SGCD: variants seen among roughly 807,000 people sequenced by gnomAD.
SGCD encodes the protein delta-sarcoglycan.
Under a neutral mutation model 36.6 loss-of-function variants are expected in SGCD, and 18 were observed. That is an observed-to-expected ratio of 0.49 (90% confidence interval 0.34 to 0.73). The LOEUF (loss-of-function observed/expected upper bound fraction) is 0.73, where lower values mean the gene tolerates loss of function less well. Among genes scored for constraint, SGCD ranks in the 30% least tolerant of loss-of-function variants. SGCD has a pLI of 0.01. For missense variants in SGCD, 387 were observed against 346.7 expected, an observed-to-expected ratio of 1.12 and a Z score of -0.92; for synonymous variants, 133 against 130.6, an observed-to-expected ratio of 1.02 and a Z score of -0.12.
At chr5:156,305,276 G>T (rs911820895) in intron 3 of SGCD, among the ~76,000 whole-genome samples, 5 of 152,156 alleles carry the variant, frequency 3.3e-5, no homozygotes, top group Admixed American at 1.3e-4. Flanking sequence ...GGACCAGGGT[G>T]TCTGTGCTGT....
chr5:156,013,867 T>C (rs1455366477), intron 1 of SGCD, among the ~76,000 whole-genome samples: 4 of 152,162 alleles, frequency 2.6e-5, no homozygotes, highest in African/African-American at 9.6e-5. Context: ...CACTCCTAAT[T>C]CTTAATTTAG....
chr5:156,392,036 A>G (rs992592402), intron 3 of SGCD, among the ~76,000 whole-genome samples: 4 of 152,206 alleles, frequency 2.6e-5, no homozygotes, highest in African/African-American at 9.6e-5. Context: ...CGTATATTGA[A>G]TGTATTAGGA....
chr5:156,553,671 G>A (rs1758886612), intron 4 of SGCD, among the ~76,000 whole-genome samples: 1 of 152,032 alleles, frequency 6.6e-6, no homozygotes, highest in African/African-American at 2.4e-5. Flanking sequence ...ATCTCTATGG[G>A]TCTAGTCTGG....
the SGCD span, among the ~76,000 whole-genome samples, chr5:155,772,328 T>C: frequency 6.6e-6 from 1 of 152,214 alleles, no homozygotes; most frequent in Non-Finnish European, 1.5e-5. Context: ...AATATTTGTG[T>C]AGCACTTTGA....
the SGCD span, among the ~76,000 whole-genome samples, chr5:155,742,538 G>T: frequency 6.6e-6 from 1 of 152,176 alleles, no homozygotes; most frequent in Non-Finnish European, 1.5e-5. Context: ...AGAAGGAAGT[G>T]AGTATCAATG....
intron 3 of SGCD, among the ~76,000 whole-genome samples, chr5:156,219,901 G>A (rs936699274): frequency 1.3e-5 from 2 of 152,154 alleles, no homozygotes; most frequent in African/African-American, 4.8e-5. Context: ...CAGGACAGCT[G>A]CTGCACATTT....
chr5:156,540,958 T>C (rs1178990428), intron 4 of SGCD, among the ~76,000 whole-genome samples: 1 of 152,094 alleles, frequency 6.6e-6, no homozygotes, highest in Non-Finnish European at 1.5e-5. Flanking sequence ...AAGAAACAAG[T>C]AGGTATCCAT....
At chr5:156,078,506 G>T (rs1187502028) in intron 1 of SGCD, among the ~76,000 whole-genome samples, 11 of 116,328 alleles carry the variant, frequency 9.5e-5, no homozygotes, top group Non-Finnish European at 1.5e-4. Flanking sequence ...AAGTAAGACT[G>T]TCTCAAAAAA....
the SGCD span, among the ~76,000 whole-genome samples, chr5:155,773,006 A>C: frequency 6.6e-6 from 1 of 151,890 alleles, no homozygotes. Flanking sequence ...GTAAGTAAGC[A>C]CTCTCTACGT....
chr5:156,015,987 C>A (rs1204664715), intron 1 of SGCD, among the ~76,000 whole-genome samples: 1 of 151,698 alleles, frequency 6.6e-6, no homozygotes, highest in Non-Finnish European at 1.5e-5. Flanking sequence ...CCTCATAAAT[C>A]ACTGATGTCT....
intron 1 of SGCD, among the ~76,000 whole-genome samples, chr5:155,894,409 TG>T (rs1412645805): frequency 6.6e-6 from 1 of 152,176 alleles, no homozygotes; most frequent in African/African-American, 2.4e-5. Context: ...GGAATTTGTA[TG>T]TCACACGAGC....
chr5:155,901,244 G>A (rs927941869), intron 1 of SGCD, among the ~76,000 whole-genome samples: 24 of 151,746 alleles, frequency 1.6e-4, no homozygotes, highest in Admixed American at 3.3e-4. Context: ...CCCGGGAGGC[G>A]GAGGTTGCAG....
chr5:156,521,348 A>G (rs535535012), intron 4 of SGCD, among the ~76,000 whole-genome samples: 1 of 152,310 alleles, frequency 6.6e-6, no homozygotes, highest in Non-Finnish European at 1.5e-5. Context: ...CAAAAAATTG[A>G]CCAATGGGAC....
At chr5:155,837,165 T>C in the SGCD span, among the ~76,000 whole-genome samples, 1 of 152,266 alleles carries the variant, frequency 6.6e-6, no homozygotes, top group African/African-American at 2.4e-5. Context: ...ATTATTTATT[T>C]ATTTATTTTT....
At chr5:156,509,177 G>C (rs1486616622) in intron 4 of SGCD, among the ~76,000 whole-genome samples, 1 of 152,146 alleles carries the variant, frequency 6.6e-6, no homozygotes, top group East Asian at 1.9e-4. Flanking sequence ...TGTAATTCCA[G>C]CACTTTGGGA....
chr5:155,984,307 G>A (rs1026349818), intron 1 of SGCD, among the ~76,000 whole-genome samples: 3 of 152,256 alleles, frequency 2.0e-5, no homozygotes, highest in African/African-American at 7.2e-5. Context: ...CTATGCATCT[G>A]TCAGTCATAG....
intron 1 of SGCD, among the ~76,000 whole-genome samples, chr5:156,072,467 C>T (rs1561706630): frequency 6.6e-6 from 1 of 152,004 alleles, no homozygotes; most frequent in East Asian, 1.9e-4. Context: ...CCCCCACTCT[C>T]TTCTGGCTTG....
intron 7 of SGCD, among the ~76,000 whole-genome samples, chr5:156,735,380 C>G (rs751978194): frequency 7.9e-5 from 12 of 152,214 alleles, no homozygotes; most frequent in African/African-American, 1.2e-4. Flanking sequence ...CTGCCCCCCA[C>G]TGCCTCTGGG....
chr5:156,168,880 G>A (rs530184464), intron 3 of SGCD, among the ~76,000 whole-genome samples: 3 of 152,184 alleles, frequency 2.0e-5, no homozygotes, highest in Non-Finnish European at 4.4e-5. Flanking sequence ...ACACACATGC[G>A]CCATGAGCAG....
Sources: gnomAD v4.1 joint callset for allele counts (sites outside exome capture counted in the v4.1 genomes callset) on GRCh38, gnomAD v4.1.1 for gene constraint, MANE v1.5 for transcripts, NCBI Gene and HGNC (gene_info 2026-07-23, HGNC 2026-07-21) for gene names.